Variants in PRKG1 observed in about 807,000 individuals in gnomAD.
PRKG1 encodes the protein cGMP-dependent protein kinase 1.
PRKG1 carries 35 observed loss-of-function variants against 88.1 expected under a neutral mutation model. The observed-to-expected ratio is 0.40, with a 90% CI of 0.30 to 0.53. The LOEUF (loss-of-function observed/expected upper bound fraction) is 0.53. PRKG1 is among the 20% of genes least tolerant of loss of function. PRKG1 has a pLI of 0.59. For synonymous variants in PRKG1, 303 were observed against 292.5 expected, an observed-to-expected ratio of 1.04 and a Z score of -0.37; for missense variants, 540 against 839.8, an observed-to-expected ratio of 0.64 and a Z score of 4.41.
At chr10:51,481,588 A>G (rs1460663783) in intron 3 of PRKG1, among the ~76,000 whole-genome samples, 1 of 152,186 alleles carries the variant, frequency 6.6e-6, no homozygotes, top group Non-Finnish European at 1.5e-5. Flanking sequence ...TTTAGTGTAC[A>G]TTAATTTAAA....
chr10:51,254,842 G>T (rs905987694), intron 2 of PRKG1, among the ~76,000 whole-genome samples: 1 of 152,016 alleles, frequency 6.6e-6, no homozygotes, highest in Non-Finnish European at 1.5e-5. Flanking sequence ...GTCAAAAATA[G>T]ATCTATGGTA....
intron 9 of PRKG1, chr10:52,231,078 G>A (rs778244151): frequency 1.3e-5 from 2 of 152,122 alleles, no homozygotes; most frequent in Non-Finnish European, 2.9e-5. Context: ...ATGGTGTTAG[G>A]TAATTAGGTG....
intron 4 of PRKG1, 21 bp from the exon 5 acceptor site, chr10:51,907,486 C>T (rs182684686): frequency 1.6e-5 from 25 of 1,601,938 alleles, no homozygotes; most frequent in Admixed American, 1.2e-4. Flanking sequence ...GTGTTCAGCA[C>T]TATTCTGTTT....
intron 5 of PRKG1, among the ~76,000 whole-genome samples, chr10:52,022,883 A>G (rs766889090): frequency 1.3e-5 from 2 of 152,148 alleles, no homozygotes; most frequent in Non-Finnish European, 2.9e-5. Context: ...CATTATTACT[A>G]TAAAAATGCA....
intron 1 of PRKG1, among the ~76,000 whole-genome samples, chr10:51,079,488 A>C (rs1319543563): frequency 6.6e-6 from 1 of 152,210 alleles, no homozygotes; most frequent in African/African-American, 2.4e-5. Context: ...GCCATTAGCA[A>C]AGTGACAGCA....
chr10:51,341,563 G>A (rs531257394), intron 2 of PRKG1, among the ~76,000 whole-genome samples: 1 of 152,288 alleles, frequency 6.6e-6, no homozygotes, highest in South Asian at 2.1e-4. Flanking sequence ...AAACCTCACA[G>A]TGTAAAGTGT....
chr10:51,290,547 T>C (rs1469929437), intron 2 of PRKG1, among the ~76,000 whole-genome samples: 9 of 152,204 alleles, frequency 5.9e-5, no homozygotes, highest in Non-Finnish European at 1.2e-4. Context: ...AAATCTATGA[T>C]AGTGTGATTC....
chr10:51,114,064 C>T (rs909868446), intron 1 of PRKG1, among the ~76,000 whole-genome samples: 1 of 151,718 alleles, frequency 6.6e-6, no homozygotes, highest in Admixed American at 6.6e-5. Flanking sequence ...AGCTCAGAAA[C>T]AAACTAGCAT....
chr10:51,597,783 A>G (rs1000906402), intron 3 of PRKG1, among the ~76,000 whole-genome samples: 2 of 152,196 alleles, frequency 1.3e-5, no homozygotes, highest in African/African-American at 4.8e-5. Context: ...AAAAATACGT[A>G]TATTACTTAT....
intron 3 of PRKG1, among the ~76,000 whole-genome samples, chr10:51,717,007 G>T (rs1459495604): frequency 6.6e-6 from 1 of 152,092 alleles, no homozygotes; most frequent in Non-Finnish European, 1.5e-5. Context: ...CAATAATATT[G>T]CTTTTTGCAA....
chr10:52,268,430 G>A (rs1841630614), intron 10 of PRKG1, among the ~76,000 whole-genome samples: 1 of 151,784 alleles, frequency 6.6e-6, no homozygotes, highest in East Asian at 1.9e-4. Context: ...CAAGCAATCG[G>A]GTATCTCAAA....
intron 1 of PRKG1, among the ~76,000 whole-genome samples, chr10:51,044,500 G>A (rs182977299): frequency 6.6e-6 from 1 of 152,158 alleles, no homozygotes; most frequent in Admixed American, 6.5e-5. Context: ...CTTTAAAAAA[G>A]TTATAGCAAA....
At chr10:52,075,258 A>G (rs1209262176) in intron 7 of PRKG1, among the ~76,000 whole-genome samples, 3 of 152,230 alleles carry the variant, frequency 2.0e-5, no homozygotes, top group African/African-American at 7.2e-5. Flanking sequence ...TTACAAAATG[A>G]TTCCAAGAGA....
intron 2 of PRKG1, among the ~76,000 whole-genome samples, chr10:51,285,024 T>A (rs1840403449): frequency 8.3e-6 from 1 of 120,200 alleles, no homozygotes; most frequent in East Asian, 2.7e-4. Context: ...TAGGTATATC[T>A]CCCAATGCTA....
chr10:51,908,215 C>G (rs6480566), intron 5 of PRKG1: 1 of 152,088 alleles, frequency 6.6e-6, no homozygotes, highest in African/African-American at 2.4e-5. Context: ...TGTTTCAGGT[C>G]GAAAAGATTA....
At chr10:52,284,231 A>G (rs182232240) in intron 14 of PRKG1, among the ~76,000 whole-genome samples, 26 of 152,190 alleles carry the variant, frequency 1.7e-4, no homozygotes, top group Non-Finnish European at 2.9e-4. Flanking sequence ...CCTCAAGGAC[A>G]TAGAAATTAC....
At chr10:51,900,352 G>C (rs1841953623) in intron 4 of PRKG1, among the ~76,000 whole-genome samples, 1 of 152,058 alleles carries the variant, frequency 6.6e-6, no homozygotes, top group South Asian at 2.1e-4. Flanking sequence ...TTCCTTAAAG[G>C]TTAGTTGCAA....
intron 4 of PRKG1, among the ~76,000 whole-genome samples, chr10:51,904,076 C>T (rs561922727): frequency 6.6e-6 from 1 of 152,210 alleles, no homozygotes; most frequent in African/African-American, 2.4e-5. Flanking sequence ...ATTAGAAAAA[C>T]CAATGGAAAA....
chr10:51,186,976 ATATATATG>A (rs1277321341), intron 2 of PRKG1, among the ~76,000 whole-genome samples: 5 of 145,494 alleles, frequency 3.4e-5, no homozygotes, highest in Non-Finnish European at 6.0e-5. Context: ...ATATATATAT[ATATATATG>A]TATATATATA....
Sources: allele counts gnomAD v4.1 joint callset (sites outside exome capture counted in the v4.1 genomes callset), GRCh38; gene constraint gnomAD v4.1.1; transcripts MANE v1.5; gene names NCBI Gene and HGNC (gene_info 2026-07-23, HGNC 2026-07-21).